ACAT1: variants seen among roughly 807,000 people sequenced by gnomAD.
The protein encoded by ACAT1 is acetyl-CoA acetyltransferase 1.
Under a neutral mutation model 47.3 loss-of-function variants are expected in ACAT1, and 28 were observed. The ratio of observed to expected loss-of-function variants is 0.59; its 90% CI spans 0.44 to 0.81. ACAT1 has a LOEUF of 0.81. Ranked by LOEUF, ACAT1 falls within the 30% of genes least tolerant of loss-of-function variation. ACAT1 has a pLI of 0.00. For synonymous variants in ACAT1, 181 were observed against 173.6 expected (o/e 1.04, Z -0.34); for missense variants, 469 against 524.3 (o/e 0.89, Z 1.03).
upstream of ACAT1, among the ~76,000 whole-genome samples, chr11:108,118,767 A>G (rs1309415397): frequency 6.6e-6 from 1 of 152,256 alleles, no homozygotes; most frequent in Non-Finnish European, 1.5e-5. Flanking sequence ...TTAGTTTTAA[A>G]GAGCAGCTTG....
At chr11:108,143,775 C>T in intron 9 of ACAT1, 1 of 273,714 alleles carries the variant, frequency 3.7e-6, no homozygotes, top group Non-Finnish European at 6.8e-6. Flanking sequence ...AGGCAAATAC[C>T]CCCAAACTCC....
chr11:108,121,613 G>C lies in ACAT1; in HGVS notation c.7G>C (p.Val3Leu). The stretch of plus-strand genomic sequence containing the variant: ...TACTCAGCCCTCTGCGACCATGGCT[G>C]TGCTGGCGGCACTTCTGCGCAGCGG... MA[V>L]LAALLRSGAR... Residue 3 changes from valine (V) to leucine (L), a missense_variant, in exon 1 of 12, where the codon GTG becomes CTG. Coordinates refer to ENST00000265838, the MANE Select transcript of ACAT1 (RefSeq NM_000019.4). 6.4e-7 allele frequency: 1 copy of C among 1,550,922 alleles called. No homozygotes were observed. Among genetic ancestry groups the C allele is most frequent in the Non-Finnish European group, 8.7e-7 (1 of 1,147,372 alleles).
At chr11:108,143,361 T>C (rs11212524) in intron 9 of ACAT1, 78,327 of 151,934 alleles carry the variant, frequency 0.52, 22,276 homozygotes, top group East Asian at 0.88. Flanking sequence ...TGCATTTTCC[T>C]ACAGAGGCAG....
intron 10 of ACAT1, 120 bp downstream of exon 10, chr11:108,144,167 A>G (rs2077651574): frequency 2.6e-6 from 3 of 1,146,664 alleles, no homozygotes; most frequent in South Asian, 1.3e-5. Context: ...CTTGGTTTCA[A>G]ATCTTCCCAT....
At chr11:108,121,738 A>C in intron 1 of ACAT1, 60 bp downstream of exon 1, 1 of 1,513,968 alleles carries the variant, frequency 6.6e-7, no homozygotes, top group Non-Finnish European at 8.9e-7. Context: ...CCCGCCTCGG[A>C]AGCTTCCAGC....
At chr11:108,143,946 A>AC in intron 9 of ACAT1, 37 bp from the exon 10 acceptor site, 12 of 1,153,272 alleles carry the variant, frequency 1.0e-5, no homozygotes, top group Non-Finnish European at 1.5e-5. Context: ...AAAAAAAAAA[A>AC]GATTTTAACA....
intron 1 of ACAT1, chr11:108,122,011 GTC>G (rs2077160100): frequency 4.4e-6 from 2 of 459,460 alleles, no homozygotes; most frequent in South Asian, 4.6e-5. Flanking sequence ...ATCGGGGAGA[GTC>G]TCTTTGCAGG....
chr11:108,130,783 CTT>C (rs1053581043), intron 1 of ACAT1, among the ~76,000 whole-genome samples: 40 of 144,962 alleles, frequency 2.8e-4, no homozygotes, highest in Admixed American at 9.7e-4. Context: ...GAGTTTCACT[CTT>C]GTCTCCCAGG....
chr11:108,118,613 G>A (rs563296379), upstream of ACAT1, among the ~76,000 whole-genome samples: 5 of 152,094 alleles, frequency 3.3e-5, no homozygotes, highest in Non-Finnish European at 5.9e-5. Flanking sequence ...CTTGTGATCC[G>A]CCTGCCTTGG....
At chr11:108,122,917 A>G (rs1282929568) in intron 1 of ACAT1, among the ~76,000 whole-genome samples, 1 of 152,128 alleles carries the variant, frequency 6.6e-6, no homozygotes, top group African/African-American at 2.4e-5. Flanking sequence ...TTCTTAATTT[A>G]TGGTTTAATT....
At chr11:108,116,873 C>A (rs547674217), upstream of ACAT1, among the ~76,000 whole-genome samples, 69 of 152,316 alleles carry the variant, frequency 4.5e-4, no homozygotes, top group Non-Finnish European at 1.8e-4. Context: ...CCTGCCAACA[C>A]CTGGATCTTG....
chr11:108,134,084 T>C (rs1479160856), intron 3 of ACAT1, 137 bp from the exon 4 acceptor site: 1 of 1,152,414 alleles, frequency 8.7e-7, no homozygotes, highest in African/African-American at 1.6e-5. Context: ...CTTTGTACTA[T>C]ACAGTTTAGA....
intron 1 of ACAT1, chr11:108,128,552 C>G (rs2077294505): frequency 1.3e-5 from 2 of 152,296 alleles, no homozygotes; most frequent in Admixed American, 1.3e-4. Flanking sequence ...GATCGCACCA[C>G]TGCACTCCAG....
Position 108,147,599 on chromosome 11 carries a change from GAA to G in ACAT1, c.*212_*213del, listed in dbSNP as rs2077747941. ...CTTCTGCTTTTTTCTTGGTAACCTT[GAA>G]AAGTTTGATACATTTTTGCATTCTG... On this transcript the variant is annotated 3_prime_UTR_variant, in exon 12 of 12. Transcript: ENST00000265838. 2 of 623,106 alleles carry G rather than the reference GAA, an allele frequency of 3.2e-6. No homozygotes were observed. Among genetic ancestry groups the G allele is most frequent in the Non-Finnish European group, 5.1e-6 (2 of 394,472 alleles). The allele number at this position is 623,106 out of a possible 1,614,324, so 38.6% of individuals were successfully genotyped here. A position where few individuals can be genotyped will look rare whatever the true frequency, so the allele number is the denominator to read the frequency against.
upstream of ACAT1, among the ~76,000 whole-genome samples, chr11:108,120,205 C>A (rs1244323632): frequency 2.6e-5 from 4 of 151,882 alleles, no homozygotes; most frequent in African/African-American, 9.7e-5. Flanking sequence ...AAAAAAATTA[C>A]CCCCAAACAG....
rs773917391 is a variant in ACAT1, at chr11:108,133,828, C to T, written c.129C>T (p.Val43=). The change falls in exon 3 of 12, where the codon GTC becomes GTT. Residue 43 remains valine, a synonymous_variant. Coordinates refer to ENST00000265838, the MANE Select transcript of ACAT1 (RefSeq NM_000019.4). ...YVSKPTLKEV[V]IVSATRTPIG... is the part of the protein sequence containing the mutation. ...ATCTTGTGTCTTGCCAGGAAGTGGT[C>T]ATAGTAAGTGCTACAAGAACACCCA... The T allele has an allele frequency of 6.8e-6, 11 of 1,613,630 alleles. No individual in the cohort carries two copies. The highest frequency in any genetic ancestry group is 9.3e-6 in the Non-Finnish European group (11 of 1,179,756).
Position 108,141,625 on chromosome 11 carries a change from AAAG to A in ACAT1, c.756_758del (p.Glu252del), listed in dbSNP as rs765961551. 1 of 1,613,204 alleles carries A rather than the reference AAAG, an allele frequency of 6.2e-7. No homozygotes were observed. The highest frequency in any genetic ancestry group is 1.7e-5 in the Admixed American group (1 of 60,006). ...TTTAGGTCAACCAGATGTAGTGGTG[AAAG>A]AAGATGAAGAATATAAACGTGTTGA... is the stretch of plus-strand genomic sequence containing the variant. On this transcript the variant is annotated inframe_deletion, in exon 8 of 12. Coordinates refer to ENST00000265838, the MANE Select transcript of ACAT1 (RefSeq NM_000019.4).
intron 6 of ACAT1, 128 bp from the exon 7 acceptor site, chr11:108,139,937 C>T: frequency 8.4e-7 from 1 of 1,192,396 alleles, no homozygotes; most frequent in East Asian, 2.6e-5. Flanking sequence ...AGGCATGAGC[C>T]ACCACCTCCG....
chr11:108,123,217 AAC>A (rs1252974353), intron 1 of ACAT1, among the ~76,000 whole-genome samples: 1 of 152,136 alleles, frequency 6.6e-6, no homozygotes, highest in Non-Finnish European at 1.5e-5. Context: ...CAGCCTGGGC[AAC>A]AGAGTGAGAC....
Sources: gnomAD v4.1 joint callset for allele counts (sites outside exome capture counted in the v4.1 genomes callset) on GRCh38, gnomAD v4.1.1 for gene constraint, MANE v1.5 for transcripts, NCBI Gene and HGNC (gene_info 2026-07-23, HGNC 2026-07-21) for gene names.